SPON1: variants seen among roughly 807,000 people sequenced by gnomAD.
SPON1 encodes spondin-1.
SPON1 carries 52 observed loss-of-function variants against 111.7 expected under a neutral mutation model. The ratio of observed to expected loss-of-function variants is 0.47; its 90% CI spans 0.37 to 0.59. SPON1 has a LOEUF of 0.59. Among genes scored for constraint, SPON1 ranks in the 20% least tolerant of loss-of-function variants. The pLI is 0.00. For synonymous variants in SPON1, 410 were observed against 395.8 expected (o/e 1.04, Z -0.43); for missense variants, 957 against 1,068.5 (o/e 0.90, Z 1.46).
intron 6 of SPON1, among the ~76,000 whole-genome samples, chr11:14,157,597 G>T (rs10832210): frequency 0.39 from 59,690 of 151,846 alleles, 11,980 homozygotes; most frequent in East Asian, 0.55. Flanking sequence ...GAAAATTCTG[G>T]CCCTTATTTC....
chr11:14,051,609 C>T (rs2896646), intron 3 of SPON1, among the ~76,000 whole-genome samples: 60,108 of 151,860 alleles, frequency 0.4, 13,052 homozygotes, highest in South Asian at 0.57. Context: ...GAGGAGATGG[C>T]CATCTTTAAA....
At chr11:14,134,785 A>G (rs1422944193) in intron 5 of SPON1, among the ~76,000 whole-genome samples, 1 of 152,222 alleles carries the variant, frequency 6.6e-6, no homozygotes, top group African/African-American at 2.4e-5. Flanking sequence ...CTCCTCTGCC[A>G]GAACCCTTCA....
Position 14,229,833 on chromosome 11 carries a change from G to A in SPON1, c.826-13499G>A, listed in dbSNP as rs1302943245. On this transcript the variant is annotated intron_variant, in intron 6 of 15. Transcript: ENST00000576479. ...CATACCGCTCTTCAATTCCTGCTCC[G>A]TGAGCCACGAAAATAACTAAAAGAG... 3.9e-5 allele frequency among the ~76,000 whole-genome samples: 6 copies of A among 152,074 alleles called. No homozygotes were observed. In the East Asian group the frequency reaches 9.6e-4, roughly 24 times the overall value.
intron 5 of SPON1, among the ~76,000 whole-genome samples, chr11:14,095,735 C>T (rs192559683): frequency 2.3e-4 from 35 of 152,296 alleles, no homozygotes; most frequent in African/African-American, 2.9e-4. Flanking sequence ...CCCACCCACA[C>T]GGGGGATGGA....
intron 6 of SPON1, among the ~76,000 whole-genome samples, chr11:14,223,168 C>A (rs1215195250): frequency 6.6e-6 from 1 of 152,148 alleles, no homozygotes; most frequent in Non-Finnish European, 1.5e-5. Flanking sequence ...AGTTCGAGAC[C>A]AGCCTGCCCA....
chr11:13,972,449 A>G (rs1408058042), intron 1 of SPON1, among the ~76,000 whole-genome samples: 2 of 152,158 alleles, frequency 1.3e-5, no homozygotes, highest in African/African-American at 2.4e-5. Flanking sequence ...ATGAATCTGT[A>G]TTTGGTCCCT....
chr11:14,034,511 G>A (rs371477996), intron 2 of SPON1, among the ~76,000 whole-genome samples: 5 of 152,218 alleles, frequency 3.3e-5, no homozygotes, highest in African/African-American at 1.2e-4. Flanking sequence ...TCTCTGGATC[G>A]AGAGAAATAA....
chr11:14,006,025 A>G (rs1424732403), intron 2 of SPON1, among the ~76,000 whole-genome samples: 1 of 152,232 alleles, frequency 6.6e-6, no homozygotes, highest in African/African-American at 2.4e-5. Context: ...CTTAATAAAC[A>G]TTAGTAATTA....
intron 5 of SPON1, among the ~76,000 whole-genome samples, chr11:14,110,132 G>GA (rs1226063415): frequency 7.9e-5 from 12 of 152,284 alleles, no homozygotes; most frequent in African/African-American, 2.9e-4. Flanking sequence ...GTAGGAAGAA[G>GA]ACTAAAGCCT....
chr11:14,131,935 A>G (rs1847534082), intron 5 of SPON1, among the ~76,000 whole-genome samples: 1 of 152,198 alleles, frequency 6.6e-6, no homozygotes, highest in Non-Finnish European at 1.5e-5. Flanking sequence ...CCCCCTGGCC[A>G]AGTGCCTTAC....
chr11:14,087,045 A>G (rs1343613103), intron 5 of SPON1, among the ~76,000 whole-genome samples: 1 of 151,746 alleles, frequency 6.6e-6, no homozygotes, highest in Non-Finnish European at 1.5e-5. Flanking sequence ...TTTCTTCTTT[A>G]TTAGTCTGGC....
chr11:14,106,340 T>C (rs1849184101), intron 5 of SPON1, among the ~76,000 whole-genome samples: 1 of 152,150 alleles, frequency 6.6e-6, no homozygotes, highest in African/African-American at 2.4e-5. Flanking sequence ...AGGGGGAATA[T>C]CAAAGACCAT....
At chr11:14,086,160 T>C (rs530430510) in intron 5 of SPON1, among the ~76,000 whole-genome samples, 8 of 152,330 alleles carry the variant, frequency 5.3e-5, no homozygotes, top group African/African-American at 1.9e-4. Context: ...CTGATTGCCC[T>C]GGTCAGAACT....
At chr11:14,190,704 G>C (rs1162877666) in intron 6 of SPON1, among the ~76,000 whole-genome samples, 1 of 147,156 alleles carries the variant, frequency 6.8e-6, no homozygotes, top group African/African-American at 2.5e-5. Context: ...GCAGTGGCAT[G>C]ATCTCGGCTC....
intron 6 of SPON1, among the ~76,000 whole-genome samples, chr11:14,163,129 T>A (rs1847986893): frequency 6.6e-6 from 1 of 152,238 alleles, no homozygotes; most frequent in South Asian, 2.1e-4. Flanking sequence ...TGCCTAAGTT[T>A]AATAATAACA....
At chr11:14,092,543 A>G (rs2133839276) in intron 5 of SPON1, among the ~76,000 whole-genome samples, 1 of 152,208 alleles carries the variant, frequency 6.6e-6, no homozygotes, top group Non-Finnish European at 1.5e-5. Flanking sequence ...GCTCTTCTCA[A>G]CCATTTTACA....
intron 2 of SPON1, among the ~76,000 whole-genome samples, chr11:14,002,816 G>T (rs1357183456): frequency 6.6e-6 from 1 of 152,108 alleles, no homozygotes; most frequent in African/African-American, 2.4e-5. Flanking sequence ...GAGAAAGCTG[G>T]TCAGGGGTTC....
chr11:14,184,643 A>G (rs1848267264), intron 6 of SPON1, among the ~76,000 whole-genome samples: 1 of 152,168 alleles, frequency 6.6e-6, no homozygotes, highest in South Asian at 2.1e-4. Flanking sequence ...GTTCCAACCC[A>G]TTCCTTTGTC....
chr11:14,223,389 T>C (rs1848702183), intron 6 of SPON1, among the ~76,000 whole-genome samples: 1 of 152,100 alleles, frequency 6.6e-6, no homozygotes, highest in Non-Finnish European at 1.5e-5. Flanking sequence ...GTGGAAAAAG[T>C]GCTACTGCAA....
Sources: allele counts gnomAD v4.1 joint callset (sites outside exome capture counted in the v4.1 genomes callset), GRCh38; gene constraint gnomAD v4.1.1; transcripts MANE v1.5; gene names NCBI Gene and HGNC (gene_info 2026-07-23, HGNC 2026-07-21).